Variants in TBC1D19 observed in about 807,000 individuals in gnomAD.
The protein encoded by TBC1D19 is TBC1 domain family member 19, also known as TBC1 domain family, member 19.
TBC1D19 carries 60 observed loss-of-function variants against 89.0 expected under a neutral mutation model. The observed-to-expected ratio is 0.67, with a 90% confidence interval of 0.55 to 0.84. TBC1D19 has a LOEUF of 0.84. Among genes scored for constraint, TBC1D19 ranks in the 40% least tolerant of loss-of-function variants. The probability of loss-of-function intolerance (pLI) is 0.00; values close to 1 mark genes in which losing one functional copy is unlikely to be tolerated. For synonymous variants in TBC1D19, 189 were observed against 199.7 expected (o/e 0.95, Z 0.45); for missense variants, 500 against 610.8 (o/e 0.82, Z 1.91).
At chr4:26,725,406 C>CT (rs1282630883) in intron 15 of TBC1D19, among the ~76,000 whole-genome samples, 1 of 151,826 alleles carries the variant, frequency 6.6e-6, no homozygotes, top group Non-Finnish European at 1.5e-5. Context: ...AATGCTTTTT[C>CT]TTTTTTTCTT....
the TBC1D19 span, among the ~76,000 whole-genome samples, chr4:26,781,705 G>T: frequency 6.6e-6 from 1 of 152,064 alleles, no homozygotes; most frequent in Non-Finnish European, 1.5e-5. Context: ...TCAAAGATTA[G>T]ATTACAACTT....
At chr4:26,654,394 G>C (rs1466738630) in intron 7 of TBC1D19, among the ~76,000 whole-genome samples, 1 of 152,124 alleles carries the variant, frequency 6.6e-6, no homozygotes, top group Non-Finnish European at 1.5e-5. Context: ...GGCGTTCTCT[G>C]TATTTCCTGC....
At position 26,646,737 on chromosome 4, in the gene TBC1D19, G is replaced by T. The variant is rs543737833; in HGVS notation, c.480+6550G>T. ...ACTGCATGTTCTCACTCATAGGTGG[G>T]AATTGAATAATGAGAACACTTGGAC... On this transcript the variant is annotated intron_variant, in intron 7 of 20. Transcript: ENST00000264866. Among the ~76,000 whole-genome samples, 79 of 152,228 alleles carry T rather than the reference G, an allele frequency of 5.2e-4. No individual in the cohort carries two copies. In the South Asian group the frequency reaches 0.011, roughly 21 times the overall value.
At chr4:26,757,735 T>C (rs1038418742), downstream of TBC1D19, among the ~76,000 whole-genome samples, 2 of 152,170 alleles carry the variant, frequency 1.3e-5, no homozygotes, top group African/African-American at 4.8e-5. Context: ...AGCCTTCTAC[T>C]TCAGAATTTA....
At chr4:26,577,173 T>C (rs1165276017) in intron 1 of TBC1D19, among the ~76,000 whole-genome samples, 1 of 152,146 alleles carries the variant, frequency 6.6e-6, no homozygotes, top group Admixed American at 6.5e-5. Flanking sequence ...GACTGCAATA[T>C]CAACTTTTTT....
chr4:26,793,957 G>A, the TBC1D19 span, among the ~76,000 whole-genome samples: 1 of 152,142 alleles, frequency 6.6e-6, no homozygotes, highest in Non-Finnish European at 1.5e-5. Context: ...TGGGTCATGT[G>A]ACCATTGGCT....
At chr4:26,740,546 A>G (rs1447670718) in intron 17 of TBC1D19, 28 of 643,914 alleles carry the variant, frequency 4.3e-5, no homozygotes, top group Non-Finnish European at 2.5e-5. Context: ...TTGGCCTACA[A>G]TATAAGAATC....
At chr4:26,743,092 C>T (rs1214371359) in intron 18 of TBC1D19, among the ~76,000 whole-genome samples, 1 of 151,966 alleles carries the variant, frequency 6.6e-6, no homozygotes, top group African/African-American at 2.4e-5. Context: ...GAGTTTTGTT[C>T]ATTGGTCTCA....
chr4:26,856,363 T>C, the TBC1D19 span, among the ~76,000 whole-genome samples: 1 of 152,246 alleles, frequency 6.6e-6, no homozygotes, highest in African/African-American at 2.4e-5. Context: ...CTATTTTCCT[T>C]ATCCATTCAT....
chr4:26,664,628 CT>C (rs34385885), intron 8 of TBC1D19, among the ~76,000 whole-genome samples: 3,990 of 136,022 alleles, frequency 0.029, 126 homozygotes, highest in African/African-American at 0.088. Flanking sequence ...AGATGCAGTA[CT>C]TTTTTTTTTT....
intron 3 of TBC1D19, among the ~76,000 whole-genome samples, chr4:26,617,457 A>G (rs1741765945): frequency 6.6e-6 from 1 of 152,260 alleles, no homozygotes. Context: ...ACATTTTACT[A>G]TGTCTCACAT....
chr4:26,738,943 T>G (rs749133598), intron 16 of TBC1D19, among the ~76,000 whole-genome samples: 1 of 152,208 alleles, frequency 6.6e-6, no homozygotes, highest in South Asian at 2.1e-4. Context: ...ACCAACAGAT[T>G]ATAGAGCCCC....
At chr4:26,788,573 A>G in the TBC1D19 span, among the ~76,000 whole-genome samples, 1 of 152,198 alleles carries the variant, frequency 6.6e-6, no homozygotes, top group Non-Finnish European at 1.5e-5. Context: ...ATAACAGAGA[A>G]GAGAGAGAAA....
At chr4:26,804,833 G>A in the TBC1D19 span, among the ~76,000 whole-genome samples, 1 of 152,254 alleles carries the variant, frequency 6.6e-6, no homozygotes, top group East Asian at 1.9e-4. Context: ...ATTTAGAAAG[G>A]TTGAAGAGGG....
chr4:26,637,144 C>A, intron 4 of TBC1D19, 67 bp from the exon 5 acceptor site: 1 of 1,144,112 alleles, frequency 8.7e-7, no homozygotes, highest in East Asian at 2.6e-5. Context: ...TTTGTAATAT[C>A]TTTAATTTTT....
chr4:26,826,855 C>A, the TBC1D19 span, among the ~76,000 whole-genome samples: 1 of 152,080 alleles, frequency 6.6e-6, no homozygotes, highest in African/African-American at 2.4e-5. Context: ...GTGCTATTAG[C>A]AATAAAAGAT....
chr4:26,698,672 C>T (rs956439517), intron 13 of TBC1D19, among the ~76,000 whole-genome samples: 18 of 152,168 alleles, frequency 1.2e-4, no homozygotes, highest in African/African-American at 4.1e-4. Flanking sequence ...GAGATATAGA[C>T]CAATGGAACA....
intron 14 of TBC1D19, among the ~76,000 whole-genome samples, chr4:26,719,052 A>G (rs181315411): frequency 3.3e-5 from 5 of 152,154 alleles, no homozygotes; most frequent in Admixed American, 3.3e-4. Context: ...CCAACCCATC[A>G]TCTATTTCTC....
At chr4:26,642,005 T>C (rs1474619210) in intron 7 of TBC1D19, among the ~76,000 whole-genome samples, 1 of 152,172 alleles carries the variant, frequency 6.6e-6, no homozygotes, top group Non-Finnish European at 1.5e-5. Flanking sequence ...GAAAACACTC[T>C]TCAGGATATT....
Sources: allele counts gnomAD v4.1 joint callset (sites outside exome capture counted in the v4.1 genomes callset), GRCh38; gene constraint gnomAD v4.1.1; transcripts MANE v1.5; gene names NCBI Gene and HGNC (gene_info 2026-07-23, HGNC 2026-07-21).